C10orf90: variants seen among roughly 807,000 people sequenced by gnomAD.
C10orf90 encodes the protein chromosome 10 open reading frame 90.
C10orf90 carries 56 observed loss-of-function variants against 62.5 expected under a neutral mutation model. The ratio of observed to expected loss-of-function variants is 0.90; its 90% CI spans 0.72 to 1.12. The LOEUF (loss-of-function observed/expected upper bound fraction) is 1.12, where lower values mean the gene tolerates loss of function less well. Among genes scored for constraint, C10orf90 ranks in the 50% most tolerant of loss-of-function variants. The pLI is 0.00. For missense variants in C10orf90, 970 were observed against 880.4 expected, an observed-to-expected ratio of 1.10 and a Z score of -1.29; for synonymous variants, 386 against 340.4, an observed-to-expected ratio of 1.13 and a Z score of -1.47.
intron 2 of C10orf90, among the ~76,000 whole-genome samples, chr10:126,560,485 T>C (rs10794089): frequency 0.43 from 65,936 of 151,946 alleles, 14,428 homozygotes; most frequent in African/African-American, 0.47. Context: ...GCCTCGTCAC[T>C]GTGTCCAGTC....
chr10:126,639,209 G>C lies in C10orf90; in HGVS notation c.313+7356C>G, dbSNP rs141155880. Among the ~76,000 whole-genome samples the C allele has an allele frequency of 1.3e-3, 194 of 152,276 alleles. 4 individuals carry two copies. The highest frequency in any genetic ancestry group is 1.0e-4 in the Non-Finnish European group (7 of 68,026). ...CCTATTTCTGTGGTAGGCTTGATCG[G>C]TGATTCAGATGCACCCCTCCAGTTG... On this transcript the variant is annotated intron_variant, in intron 2 of 9. Coordinates refer to ENST00000488181, the MANE Select transcript of C10orf90 (RefSeq NM_001350921.2).
At chr10:126,482,630 A>G (rs1342593602) in intron 4 of C10orf90, among the ~76,000 whole-genome samples, 1 of 152,210 alleles carries the variant, frequency 6.6e-6, no homozygotes, top group Non-Finnish European at 1.5e-5. Flanking sequence ...ACTAGCTAGT[A>G]GTAGCCCTTA....
chr10:126,437,469 T>C (rs997678858), intron 7 of C10orf90, among the ~76,000 whole-genome samples: 5 of 152,070 alleles, frequency 3.3e-5, no homozygotes, highest in African/African-American at 1.2e-4. Flanking sequence ...CCTGCTTGGG[T>C]TTGAGGACCG....
intron 4 of C10orf90, among the ~76,000 whole-genome samples, chr10:126,480,229 C>T (rs112832855): frequency 4.4e-4 from 67 of 152,242 alleles, no homozygotes; most frequent in African/African-American, 1.5e-3. Context: ...TTTACAGTAA[C>T]GTTTAAAGTG....
At chr10:126,657,996 C>G (rs763630849) in intron 1 of C10orf90, among the ~76,000 whole-genome samples, 1 of 152,184 alleles carries the variant, frequency 6.6e-6, no homozygotes, top group Admixed American at 6.5e-5. Context: ...GAGGCACATG[C>G]ACTCCCTCAC....
In C10orf90 at chr10:126,521,234, C is replaced by T. The variant is rs183147238; in HGVS notation, c.314-7295G>A. The T allele has an allele frequency of 2.0e-3, 3,100 of 1,559,836 alleles. 4 individuals are homozygous for T. Among genetic ancestry groups the T allele is most frequent in the Non-Finnish European group, 2.5e-3 (2,857 of 1,133,882 alleles). On this transcript the variant is annotated intron_variant, in intron 2 of 9. Coordinates refer to ENST00000488181, the MANE Select transcript of C10orf90 (RefSeq NM_001350921.2). ...GGGCCCAGAAGATACTCAGCGTGGA[C>T]AGAATGAACAGATTACTTTATATTT...
intron 1 of C10orf90, among the ~76,000 whole-genome samples, chr10:126,659,763 A>G (rs1846470844): frequency 6.6e-6 from 1 of 152,234 alleles, no homozygotes; most frequent in Non-Finnish European, 1.5e-5. Context: ...GTCTGTGATC[A>G]CTGAAAAATG....
chr10:126,606,212 A>C (rs1845308358), intron 2 of C10orf90, among the ~76,000 whole-genome samples: 1 of 152,214 alleles, frequency 6.6e-6, no homozygotes, highest in Non-Finnish European at 1.5e-5. Flanking sequence ...TGCATTAATT[A>C]AACGAATGAT....
chr10:126,523,032 T>C (rs1036763006), intron 2 of C10orf90: 2 of 152,162 alleles, frequency 1.3e-5, no homozygotes, highest in East Asian at 1.9e-4. Context: ...CAAAAAACAG[T>C]GTGTTATTAG....
intron 1 of C10orf90, among the ~76,000 whole-genome samples, chr10:126,649,058 CTCTCTCTCT>C (rs1846232953): frequency 6.8e-5 from 4 of 58,904 alleles, no homozygotes; most frequent in African/African-American, 2.8e-4. Flanking sequence ...CTCTCTCTCT[CTCTCTCTCT>C]CTCTCCCCCC....
At chr10:126,609,796 G>A (rs1019797685) in intron 2 of C10orf90, among the ~76,000 whole-genome samples, 4 of 152,248 alleles carry the variant, frequency 2.6e-5, no homozygotes, top group Non-Finnish European at 5.9e-5. Flanking sequence ...GCTCTGCATG[G>A]GCAGGGGGAC....
intron 4 of C10orf90, among the ~76,000 whole-genome samples, chr10:126,493,607 C>T (rs572179652): frequency 3.7e-4 from 57 of 152,078 alleles, no homozygotes; most frequent in East Asian, 3.7e-3. Context: ...TCGCCCACCT[C>T]GGCCTCACAA....
At chr10:126,607,958 C>T (rs978755263) in intron 2 of C10orf90, among the ~76,000 whole-genome samples, 6 of 152,090 alleles carry the variant, frequency 3.9e-5, no homozygotes, top group Admixed American at 6.6e-5. Context: ...GATAGAAAGT[C>T]AAATGGTGGT....
At chr10:126,548,052 TAAAC>T (rs1191520050) in intron 2 of C10orf90, among the ~76,000 whole-genome samples, 1 of 151,906 alleles carries the variant, frequency 6.6e-6, no homozygotes, top group Non-Finnish European at 1.5e-5. Flanking sequence ...CCAAAGATGA[TAAAC>T]AAACAGAAAA....
chr10:126,576,755 G>T (rs1202876947), intron 2 of C10orf90, among the ~76,000 whole-genome samples: 8 of 61,170 alleles, frequency 1.3e-4, no homozygotes, highest in African/African-American at 4.5e-4. Context: ...TATACATATA[G>T]ATAATATGTA....
At chr10:126,662,341 A>G (rs562197206) in intron 1 of C10orf90, among the ~76,000 whole-genome samples, 81 of 152,286 alleles carry the variant, frequency 5.3e-4, no homozygotes, top group Admixed American at 5.3e-3. Flanking sequence ...TAGTGCTGAG[A>G]AAGGCTCATC....
intron 1 of C10orf90, among the ~76,000 whole-genome samples, chr10:126,664,364 C>T (rs538045424): frequency 9.9e-5 from 15 of 152,268 alleles, no homozygotes; most frequent in South Asian, 4.1e-4. Context: ...GTCACTTTCA[C>T]GGGGTACAGC....
intron 2 of C10orf90, among the ~76,000 whole-genome samples, chr10:126,641,114 GT>G (rs1316889580): frequency 6.6e-6 from 1 of 152,174 alleles, no homozygotes; most frequent in Non-Finnish European, 1.5e-5. Flanking sequence ...TCTATACCTT[GT>G]TAACAGAGAA....
intron 7 of C10orf90, among the ~76,000 whole-genome samples, chr10:126,431,259 T>G (rs2133987564): frequency 6.6e-6 from 1 of 152,344 alleles, no homozygotes; most frequent in East Asian, 1.9e-4. Flanking sequence ...ATCATGGTCT[T>G]CTGGAGAGAA....
Sources: allele counts gnomAD v4.1 joint callset (sites outside exome capture counted in the v4.1 genomes callset), GRCh38; gene constraint gnomAD v4.1.1; transcripts MANE v1.5; gene names NCBI Gene and HGNC (gene_info 2026-07-23, HGNC 2026-07-21).